The following ZFPM2 variants were observed in gnomAD, a reference collection of about 807,000 sequenced individuals.
ZFPM2 encodes the protein zinc finger protein ZFPM2.
Under a neutral mutation model 98.6 loss-of-function variants are expected in ZFPM2, and 20 were observed. That is an observed-to-expected ratio of 0.20 (90% CI 0.14 to 0.29). The LOEUF is 0.29. Ranked by LOEUF, ZFPM2 falls within the 10% of genes least tolerant of loss-of-function variation. The pLI is 1.00. For synonymous variants in ZFPM2, 518 were observed against 502.7 expected (o/e 1.03, Z -0.41); for missense variants, 1,310 against 1,388.6 (o/e 0.94, Z 0.90).
intron 2 of ZFPM2, among the ~76,000 whole-genome samples, chr8:105,428,306 A>G (rs950032789): frequency 6.6e-6 from 1 of 152,210 alleles, no homozygotes; most frequent in African/African-American, 2.4e-5. Flanking sequence ...AAAGGCTAAC[A>G]TAAATGAATT....
chr8:105,466,325 CTA>C (rs1812795578), intron 3 of ZFPM2, among the ~76,000 whole-genome samples: 1 of 152,066 alleles, frequency 6.6e-6, no homozygotes, highest in African/African-American at 2.4e-5. Context: ...TAGGATTAAA[CTA>C]TTTTAATGCA....
intron 1 of ZFPM2, among the ~76,000 whole-genome samples, chr8:105,393,720 C>T (rs540709845): frequency 3.3e-5 from 5 of 151,812 alleles, no homozygotes; most frequent in Non-Finnish European, 7.4e-5. Context: ...GTTTATTTAC[C>T]AGAGAGTTTG....
chr8:105,683,102 C>A (rs1004349286), intron 5 of ZFPM2, among the ~76,000 whole-genome samples: 4 of 152,058 alleles, frequency 2.6e-5, no homozygotes, highest in African/African-American at 9.7e-5. Context: ...AATTCTCATT[C>A]ATGAGGGCTC....
At position 105,398,231 on chromosome 8, in the gene ZFPM2, G is replaced by A. The variant is rs111726833; in HGVS notation, c.41-20913G>A. Among the ~76,000 whole-genome samples, 712 of 152,074 alleles carry A rather than the reference G, an allele frequency of 4.7e-3. 9 individuals carry two copies. The highest frequency in any genetic ancestry group is 0.016 in the African/African-American group (655 of 41,484). ...AAGTGGATTAGAACTGACTACATAA[G>A]GATCATATTGTTAGTTTTTCATTTA... On this transcript the variant is annotated intron_variant, in intron 1 of 7. Transcript: ENST00000407775.
At chr8:105,491,786 T>G (rs1433778688) in intron 3 of ZFPM2, among the ~76,000 whole-genome samples, 5 of 152,190 alleles carry the variant, frequency 3.3e-5, no homozygotes, top group Admixed American at 6.5e-5. Flanking sequence ...ATTTATTGCC[T>G]TATATCTACC....
Position 105,693,536 on chromosome 8 carries a change from G to T in ZFPM2, c.532+59179G>T, listed in dbSNP as rs189615648. Among the ~76,000 whole-genome samples the T allele has an allele frequency of 3.2e-3, 494 of 152,208 alleles. 4 individuals carry two copies. The highest frequency in any genetic ancestry group is 5.4e-3 in the Non-Finnish European group (364 of 68,006). On this transcript the variant is annotated intron_variant, in intron 5 of 7. Coordinates refer to ENST00000407775, the MANE Select transcript of ZFPM2 (RefSeq NM_012082.4). Reference sequence around the variant, plus strand: ...TATACTTAGGAAAGCATAGCCAAGCGCACTGAAACACAGAAGATGCACATA... The same window carrying T: ...TATACTTAGGAAAGCATAGCCAAGCTCACTGAAACACAGAAGATGCACATA...
intron 3 of ZFPM2, among the ~76,000 whole-genome samples, chr8:105,502,120 T>G (rs1213016734): frequency 1.3e-5 from 2 of 152,150 alleles, no homozygotes; most frequent in Non-Finnish European, 2.9e-5. Context: ...TGTTCAACTT[T>G]AAAGTAAGAT....
chr8:105,498,529 G>A (rs1175037445), intron 3 of ZFPM2, among the ~76,000 whole-genome samples: 1 of 152,146 alleles, frequency 6.6e-6, no homozygotes, highest in East Asian at 1.9e-4. Flanking sequence ...CAATTATTTT[G>A]TAGTTTACTT....
At chr8:105,405,601 A>G (rs1478779594) in intron 1 of ZFPM2, among the ~76,000 whole-genome samples, 9 of 151,948 alleles carry the variant, frequency 5.9e-5, no homozygotes, top group Non-Finnish European at 1.3e-4. Flanking sequence ...CCTACAAAGG[A>G]CATGAACTCA....
chr8:105,521,056 A>G (rs905100166), intron 3 of ZFPM2, among the ~76,000 whole-genome samples: 6 of 150,756 alleles, frequency 4.0e-5, no homozygotes, highest in African/African-American at 1.5e-4. Context: ...GATTCAAGAT[A>G]GTAGACTGAA....
intron 1 of ZFPM2, among the ~76,000 whole-genome samples, chr8:105,351,583 G>T (rs1812647912): frequency 6.6e-6 from 1 of 152,048 alleles, no homozygotes; most frequent in South Asian, 2.1e-4. Flanking sequence ...TACATTAACT[G>T]GTTCTCCTGA....
intron 1 of ZFPM2, among the ~76,000 whole-genome samples, chr8:105,381,687 CAAGTGTGCTA>C (rs1298686242): frequency 6.6e-6 from 1 of 152,090 alleles, no homozygotes; most frequent in Non-Finnish European, 1.5e-5. Context: ...TAAAGACTAT[CAAGTGTGCTA>C]AAATGTAAAT....
chr8:105,386,475 G>T (rs1810992227), intron 1 of ZFPM2, among the ~76,000 whole-genome samples: 1 of 152,068 alleles, frequency 6.6e-6, no homozygotes, highest in Non-Finnish European at 1.5e-5. Flanking sequence ...CTCTTAAGGT[G>T]GTGTGTCTGG....
chr8:105,768,516 A>T (rs1812907835), intron 5 of ZFPM2, among the ~76,000 whole-genome samples: 2 of 151,928 alleles, frequency 1.3e-5, no homozygotes, highest in African/African-American at 4.8e-5. Context: ...ATGGATAAAG[A>T]TCCTTTCTTG....
chr8:105,655,203 A>G (rs1199674866), intron 5 of ZFPM2, among the ~76,000 whole-genome samples: 1 of 136,456 alleles, frequency 7.3e-6, no homozygotes, highest in African/African-American at 2.7e-5. Context: ...AAAGTTAAGC[A>G]TTATTTTCTT....
chr8:105,429,135 AT>A (rs1296246623), intron 2 of ZFPM2, among the ~76,000 whole-genome samples: 3 of 152,170 alleles, frequency 2.0e-5, no homozygotes, highest in African/African-American at 7.2e-5. Flanking sequence ...CTTACTATAT[AT>A]TTAACAACGC....
intron 5 of ZFPM2, among the ~76,000 whole-genome samples, chr8:105,706,493 A>G (rs1162099801): frequency 2.0e-5 from 3 of 152,138 alleles, no homozygotes; most frequent in Non-Finnish European, 4.4e-5. Context: ...GTGATATGGT[A>G]TGTGTTCTAG....
At chr8:105,339,245 A>T (rs1157411064) in intron 1 of ZFPM2, among the ~76,000 whole-genome samples, 1 of 151,902 alleles carries the variant, frequency 6.6e-6, no homozygotes, top group Non-Finnish European at 1.5e-5. Context: ...ACAGAACATC[A>T]GCCCCTGGCA....
intron 1 of ZFPM2, among the ~76,000 whole-genome samples, chr8:105,337,739 G>A (rs1407137640): frequency 7.6e-6 from 1 of 131,814 alleles, no homozygotes; most frequent in Non-Finnish European, 1.6e-5. Context: ...AATTCTTTTT[G>A]GTCATAGTTC....
Sources: allele counts gnomAD v4.1 joint callset (sites outside exome capture counted in the v4.1 genomes callset), GRCh38; gene constraint gnomAD v4.1.1; transcripts MANE v1.5; gene names NCBI Gene and HGNC (gene_info 2026-07-23, HGNC 2026-07-21).